Variants in GCC2 observed in about 807,000 individuals in gnomAD.
GCC2 encodes the protein GRIP and coiled-coil domain containing 2, also known as GRIP and coiled-coil domain-containing protein 2.
A neutral mutation model predicts 210.6 loss-of-function variants in GCC2; 120 were observed. The observed-to-expected ratio is 0.57, with a 90% confidence interval of 0.49 to 0.66. GCC2 has a LOEUF of 0.66. GCC2 is among the 30% of genes least tolerant of loss of function. The probability of loss-of-function intolerance (pLI) is 0.00; values close to 1 mark genes in which losing one functional copy is unlikely to be tolerated. For missense variants in GCC2, 1,868 were observed against 1,871.9 expected, an observed-to-expected ratio of 1.00 and a Z score of 0.04; for synonymous variants, 703 against 652.7, an observed-to-expected ratio of 1.08 and a Z score of -1.17.
rs541327851 is a variant in GCC2 at position 108,450,006 on chromosome 2, G to A, written c.63+317G>A. On this transcript the variant is annotated intron_variant, in intron 2 of 22. Coordinates refer to ENST00000309863, the MANE Select transcript of GCC2 (RefSeq NM_181453.4). ...AGCAGTGACATAGGGTAGGAATCAA[G>A]GGATTCTGATCTGTGGGCTCCAGTT... The A allele has an allele frequency of 1.1e-4, 31 of 286,986 alleles. No individual in the cohort carries two copies. The South Asian group carries it at 1.6e-3, about 15-fold the overall frequency. The allele number at this position is 286,986 out of a possible 1,614,324, so 17.8% of individuals were successfully genotyped here. A position where few individuals can be genotyped will look rare whatever the true frequency, so the allele number is the denominator to read the frequency against.
chr2:108,471,378 G>C lies in GCC2; in HGVS notation c.2049G>C (p.Leu683Phe). The C allele has an allele frequency of 6.2e-7, 1 of 1,608,510 alleles. No individual in the cohort carries two copies. The highest frequency in any genetic ancestry group is 1.7e-5 in the Admixed American group (1 of 58,874). ...MKVLSEDKEV[L>F]SAEVKSLYEE... ...TTCTCTCTGAAGACAAAGAAGTATT[G>C]TCAGCTGAAGTGAAGTCTCTTTATG... The change falls in exon 6 of 23, where the codon TTG (leucine) becomes TTC (phenylalanine). Residue 683 changes from leucine (L) to phenylalanine (F), a missense_variant. Physicochemically the swap from Leu to Phe is conservative, Grantham distance 22 (BLOSUM62 0). This residue lies in a region of GCC2 where 1,847 missense variants were observed against 1,765.2 expected (regional missense o/e 1.05). Transcript: ENST00000309863.
chr2:108,483,026 T>G, intron 11 of GCC2, 36 bp from the exon 12 acceptor site: 4 of 1,055,698 alleles, frequency 3.8e-6, no homozygotes, highest in Non-Finnish European at 5.9e-6. Flanking sequence ...TTAATATTGG[T>G]TGGGTGGTGT....
rs1681173328 is a variant in GCC2, at chr2:108,470,895, G to A, written c.1566G>A (p.Lys522=). 3.7e-6 allele frequency: 6 copies of A among 1,613,684 alleles called. No homozygotes were observed. The highest frequency in any genetic ancestry group is 1.3e-5 in the African/African-American group (1 of 75,004). ...QASDVHELQQ[K]LRTAFTEKDA... ...CTGATGTTCATGAACTGCAGCAGAA[G>A]CTCAGAACTGCTTTTACTGAAAAAG... The change falls in exon 6 of 23, where the codon AAG becomes AAA. Residue 522 remains lysine (K), a synonymous_variant. Transcript: ENST00000309863.
rs768308979 is a variant in GCC2, at chr2:108,481,769, C to G, written c.3133C>G (p.His1045Asp). 3.2e-5 allele frequency: 51 copies of G among 1,602,892 alleles called. No homozygotes were observed. Among genetic ancestry groups the G allele is most frequent in the Non-Finnish European group, 4.0e-5 (47 of 1,173,430 alleles). The change falls in exon 10 of 23, where the codon CAT becomes GAT. Residue 1045 changes from histidine (H) to aspartate (D), a missense_variant. Around this residue, in one of 3 missense-constraint regions of GCC2, gnomAD observed 1,847 missense variants for 1,765.2 expected, o/e 1.05. Coordinates refer to ENST00000309863, the MANE Select transcript of GCC2 (RefSeq NM_181453.4). The stretch of plus-strand genomic sequence containing the variant: ...AAAAGAACGTGCTAATAATTTTGAG[C>G]ATCGTATTGAAGACCTTACAAGACA... ...VEKERANNFE[H>D]RIEDLTRQLR...
Position 108,470,518 on chromosome 2 carries a change from C to G in GCC2, c.1189C>G (p.Gln397Glu). The G allele has an allele frequency of 6.2e-7, 1 of 1,609,416 alleles. No individual in the cohort carries two copies. The highest frequency in any genetic ancestry group is 8.5e-7 in the Non-Finnish European group (1 of 1,178,076). ...TGAATTATTACTAGCTAAAGAAGAA[C>G]AGGGCTGTGTAATTGAAAAATTAAA... ...INELLLAKEE[Q>E]GCVIEKLKSE... Residue 397 changes from glutamine to glutamate, a missense_variant, in exon 6 of 23, where the codon CAG becomes GAG. By Grantham distance (29) the Gln-to-Glu change is conservative (BLOSUM62 2). Transcript: ENST00000309863.
chr2:108,459,745 C>CTTTTTTTTTTTTTTTTTTTTTTTTT (rs34052393), intron 4 of GCC2, among the ~76,000 whole-genome samples: 11 of 26,764 alleles, frequency 4.1e-4, no homozygotes, highest in African/African-American at 7.8e-4. Context: ...CCTTCTTTGT[C>CTTTTTTTTTTTTTTTTTTTTTTTTT]TTTTTTTTTT....
intron 22 of GCC2, among the ~76,000 whole-genome samples, chr2:108,501,061 T>C (rs1682901792): frequency 6.6e-6 from 1 of 152,122 alleles, no homozygotes; most frequent in African/African-American, 2.4e-5. Flanking sequence ...AGTGGTCCGA[T>C]CATGGCTCAC....
intron 4 of GCC2, among the ~76,000 whole-genome samples, chr2:108,460,957 C>G (rs1346470355): frequency 6.6e-6 from 1 of 152,198 alleles, no homozygotes. Flanking sequence ...CTTCTCCTTC[C>G]TCTTTGCCTT....
Position 108,451,107 on chromosome 2 carries a change from G to A in GCC2, c.143G>A (p.Cys48Tyr). The stretch of plus-strand genomic sequence containing the variant: ...CTAATACAGAAAGCTAAATCAAGGT[G>A]TACAGGTATTGGGTTGAAAATACTC... ...MMLIQKAKSR[C>Y]TELEKEIEEL... Residue 48 changes from cysteine (C) to tyrosine (Y), a missense_variant, in exon 3 of 23, where the codon TGT (cysteine) becomes TAT (tyrosine). Cys to Tyr is a radical substitution (Grantham distance 194). Around this residue, in one of 3 missense-constraint regions of GCC2, gnomAD observed 1,847 missense variants for 1,765.2 expected, o/e 1.05. Coordinates refer to ENST00000309863, the MANE Select transcript of GCC2 (RefSeq NM_181453.4). 3 of 1,591,222 alleles carry A rather than the reference G, an allele frequency of 1.9e-6. No homozygotes were observed. The highest frequency in any genetic ancestry group is 2.2e-5 in the South Asian group (2 of 90,308).
intron 6 of GCC2, 72 bp downstream of exon 6, chr2:108,472,188 T>G (rs565265879): frequency 8.6e-5 from 92 of 1,073,084 alleles, no homozygotes; most frequent in Non-Finnish European, 1.2e-4. Context: ...CGTTAAACAT[T>G]TTTACACCTT....
chr2:108,471,641 C>T lies in GCC2; in HGVS notation c.2312C>T (p.Ser771Leu), dbSNP rs1181053232. The T allele has an allele frequency of 2.5e-6, 4 of 1,613,196 alleles. No individual in the cohort carries two copies. The East Asian group carries it at 6.7e-5, about 27-fold the overall frequency. Reference protein sequence around the residue: ...GFLKEMGSEVSEDSEEKDVVN... With the variant: ...GFLKEMGSEVLEDSEEKDVVN... ...CTTAAAGAAATGGGATCAGAAGTTT[C>T]AGAAGACAGTGAAGAGAAAGATGTT... The change falls in exon 6 of 23, where the codon TCA (serine) becomes TTA (leucine). Residue 771 changes from serine (S) to leucine (L), a missense_variant. Physicochemically the swap from Ser to Leu is moderately radical, Grantham distance 145 (BLOSUM62 -2). Transcript: ENST00000309863.
At chr2:108,472,949 T>C in intron 7 of GCC2, 50 bp downstream of exon 7, 2 of 1,008,436 alleles carry the variant, frequency 2.0e-6, no homozygotes, top group Non-Finnish European at 3.1e-6. Flanking sequence ...CAGATTCTTC[T>C]TAGTGTTAGA....
intron 4 of GCC2, among the ~76,000 whole-genome samples, chr2:108,453,801 A>C (rs1451666633): frequency 7.3e-5 from 11 of 149,674 alleles, no homozygotes; most frequent in Admixed American, 1.3e-4. Flanking sequence ...AAAAAAAAAA[A>C]ACACAAAAAA....
At chr2:108,453,163 C>T (rs1470526521) in intron 4 of GCC2, among the ~76,000 whole-genome samples, 1 of 152,208 alleles carries the variant, frequency 6.6e-6, no homozygotes, top group Non-Finnish European at 1.5e-5. Context: ...GTTTCCCTCT[C>T]ACACATTTCA....
chr2:108,492,538 A>G (rs774858331), intron 18 of GCC2, 35 bp from the exon 19 acceptor site: 1 of 1,413,476 alleles, frequency 7.1e-7, no homozygotes, highest in East Asian at 2.3e-5. Flanking sequence ...TATAAAGTTG[A>G]AAGATCTTCT....
In GCC2 at chr2:108,449,247, G is replaced by T. The variant is rs1230400164; in HGVS notation, c.-28G>T. ...AGAAGTGCAGCGGTGGCGGCGGCTGGTTGCGGGCCGGCGGCGGGCTGGCGG... is the reference window on the plus strand; with the variant it reads ...AGAAGTGCAGCGGTGGCGGCGGCTGTTTGCGGGCCGGCGGCGGGCTGGCGG... On this transcript the variant is annotated 5_prime_UTR_variant, in exon 1 of 23. Transcript: ENST00000309863. 6.5e-7 allele frequency: 1 copy of T among 1,548,842 alleles called. No individual in the cohort carries two copies. The highest frequency in any genetic ancestry group is 8.7e-7 in the Non-Finnish European group (1 of 1,145,050).
At chr2:108,464,643 G>A (rs2577610) in intron 4 of GCC2, among the ~76,000 whole-genome samples, 4 of 151,962 alleles carry the variant, frequency 2.6e-5, no homozygotes, top group Non-Finnish European at 5.9e-5. Flanking sequence ...CAACTGTAGC[G>A]GAGCAGGCTG....
chr2:108,509,117 T>C lies in GCC2; in HGVS notation c.*1487T>C, dbSNP rs192380834. On this transcript the variant is annotated 3_prime_UTR_variant, in exon 23 of 23. Coordinates refer to ENST00000309863, the MANE Select transcript of GCC2 (RefSeq NM_181453.4). ...TATTTCAGAGCTGACATGAAGAGTTTAGTTTTTTTACTTTATAAACTGTGA... is the reference window on the plus strand; with the variant it reads ...TATTTCAGAGCTGACATGAAGAGTTCAGTTTTTTTACTTTATAAACTGTGA... 1.1e-3 allele frequency: 174 copies of C among 152,820 alleles called. 1 individual carries two copies. The highest frequency in any genetic ancestry group is 4.0e-3 in the African/African-American group (165 of 41,596). 9.5% of individuals were successfully genotyped at this position (152,820 alleles called of 1,614,324 possible).
At chr2:108,459,994 C>T (rs1375055089) in intron 4 of GCC2, among the ~76,000 whole-genome samples, 1 of 151,654 alleles carries the variant, frequency 6.6e-6, no homozygotes, top group Non-Finnish European at 1.5e-5. Flanking sequence ...GGATTATAGC[C>T]ATCTGCTACC....
Sources: allele counts gnomAD v4.1 joint callset (sites outside exome capture counted in the v4.1 genomes callset), GRCh38; gene constraint gnomAD v4.1.1; regional missense constraint gnomAD v4.1.1; transcripts MANE v1.5; gene names NCBI Gene and HGNC (gene_info 2026-07-23, HGNC 2026-07-21).